Variants in PCDHGB1 observed in about 807,000 individuals in gnomAD.
PCDHGB1 encodes protocadherin gamma subfamily B, 1.
In PCDHGB1, 34 loss-of-function variants were observed where a neutral mutation model predicts 56.6. The ratio of observed to expected loss-of-function variants is 0.60; its 90% CI spans 0.46 to 0.80. The LOEUF (loss-of-function observed/expected upper bound fraction) is 0.80. Among genes scored for constraint, PCDHGB1 ranks in the 30% least tolerant of loss-of-function variants. The probability of loss-of-function intolerance (pLI) is 0.00; values close to 1 mark genes in which losing one functional copy is unlikely to be tolerated. For synonymous variants in PCDHGB1, 561 were observed against 505.9 expected, an observed-to-expected ratio of 1.11 and a Z score of -1.46; for missense variants, 1,278 against 1,204.6, an observed-to-expected ratio of 1.06 and a Z score of -0.90.
intron 1 of PCDHGB1, chr5:141,355,505 G>T: frequency 6.2e-7 from 1 of 1,614,044 alleles, no homozygotes; most frequent in Non-Finnish European, 8.5e-7. Flanking sequence ...TCTCCAAACT[G>T]TGTGACAAAC....
Position 141,456,898 on chromosome 5 carries a change from G to A in PCDHGB1, c.2410-37909G>A, listed in dbSNP as rs1046778634. 3.9e-5 allele frequency among the ~76,000 whole-genome samples: 6 copies of A among 152,284 alleles called. No individual in the cohort carries two copies. The South Asian group carries it at 6.2e-4, about 16-fold the overall frequency. On this transcript the variant is annotated intron_variant, in intron 1 of 3. Transcript: ENST00000523390. ...GAATCGCTTGAACCCGGGAGGCAGA[G>A]GTTGCAGTGAGCCGAGATCGCACCA...
chr5:141,412,215 C>T (rs1265657058), intron 1 of PCDHGB1: 1 of 152,240 alleles, frequency 6.6e-6, no homozygotes, highest in Non-Finnish European at 1.5e-5. Flanking sequence ...GACATAAACA[C>T]TTACTTGTTA....
chr5:141,440,373 G>A (rs866892003), intron 1 of PCDHGB1: 2 of 152,214 alleles, frequency 1.3e-5, no homozygotes, highest in Non-Finnish European at 2.9e-5. Context: ...GGCCGAGGCA[G>A]GAGAATCGCT....
At chr5:141,403,039 T>A (rs989723883) in intron 1 of PCDHGB1, 64 of 1,614,050 alleles carry the variant, frequency 4.0e-5, no homozygotes, top group Non-Finnish European at 5.4e-5. Context: ...CCAGGGCCAG[T>A]CAGATTCGCT....
intron 1 of PCDHGB1, chr5:141,370,655 C>A: frequency 6.2e-7 from 1 of 1,613,826 alleles, no homozygotes; most frequent in Non-Finnish European, 8.5e-7. Context: ...TACTTGTGAG[C>A]GACCGTATAG....
rs1421497518 is a variant in PCDHGB1 at position 141,431,979 on chromosome 5, A to G, written c.2410-62828A>G. ...GGAAATTACTATAGTTTAGTCACAGACATAGTCTTGGATAGGGAACAGGTT... is the reference window on the plus strand; with the variant it reads ...GGAAATTACTATAGTTTAGTCACAGGCATAGTCTTGGATAGGGAACAGGTT... On this transcript the variant is annotated intron_variant, in intron 1 of 3. Coordinates refer to ENST00000523390, the MANE Select transcript of PCDHGB1 (RefSeq NM_018922.3). This position sits in a 1 kb window ranked among gnomAD's most constrained non-coding sequence, Gnocchi z 4.8. 6.2e-7 allele frequency: 1 copy of G among 1,614,078 alleles called. No homozygotes were observed. The highest frequency in any genetic ancestry group is 1.3e-5 in the African/African-American group (1 of 74,932).
chr5:141,410,714 T>C (rs1561730445), intron 1 of PCDHGB1: 7 of 1,434,512 alleles, frequency 4.9e-6, no homozygotes, highest in Middle Eastern at 1.8e-4. Flanking sequence ...TAGAATCATA[T>C]GTTTAAAATC....
intron 1 of PCDHGB1, among the ~76,000 whole-genome samples, chr5:141,438,598 AT>A (rs1433028092): frequency 6.7e-5 from 2 of 29,776 alleles, no homozygotes; most frequent in Non-Finnish European, 1.4e-4. Context: ...ATACATATAT[AT>A]ATATATATAT....
intron 1 of PCDHGB1, chr5:141,409,447 AC>A (rs779658060): frequency 1.4e-4 from 222 of 1,613,890 alleles, no homozygotes; most frequent in Non-Finnish European, 1.8e-4. Context: ...GAGAGCAGAC[AC>A]CAGAATACAA....
At chr5:141,428,041 TG>T (rs1260865435) in intron 1 of PCDHGB1, 1 of 1,608,448 alleles carries the variant, frequency 6.2e-7, no homozygotes, top group African/African-American at 1.3e-5. Flanking sequence ...GGCTACCTGG[TG>T]ACCAAGGTGG....
chr5:141,450,207 A>AAGG (rs1164364390), intron 1 of PCDHGB1, among the ~76,000 whole-genome samples: 13 of 151,832 alleles, frequency 8.6e-5, no homozygotes, highest in Non-Finnish European at 1.8e-4. Flanking sequence ...TAGTAGAGAC[A>AAGG]AGGTTTCACT....
intron 1 of PCDHGB1, among the ~76,000 whole-genome samples, chr5:141,466,800 C>T (rs189985735): frequency 6.6e-6 from 1 of 152,240 alleles, no homozygotes; most frequent in East Asian, 1.9e-4. Context: ...AAACTAGATC[C>T]TATTCAGACA....
intron 1 of PCDHGB1, among the ~76,000 whole-genome samples, chr5:141,402,221 G>A (rs567791316): frequency 1.3e-5 from 2 of 151,942 alleles, no homozygotes; most frequent in Admixed American, 6.5e-5. Context: ...TAAAATAAAC[G>A]TTTTTCCAGG....
chr5:141,394,616 C>A, intron 1 of PCDHGB1: 1 of 1,613,490 alleles, frequency 6.2e-7, no homozygotes, highest in African/African-American at 1.3e-5. Flanking sequence ...CGGGCCAGAA[C>A]GCCTGGCTGT....
intron 1 of PCDHGB1, among the ~76,000 whole-genome samples, chr5:141,481,620 C>G (rs1449979532): frequency 6.6e-6 from 1 of 152,112 alleles, no homozygotes; most frequent in African/African-American, 2.4e-5. Context: ...GAGTTCAAGA[C>G]CGGCCTGGCC....
intron 1 of PCDHGB1, chr5:141,357,289 G>T: frequency 6.2e-7 from 1 of 1,613,960 alleles, no homozygotes; most frequent in Middle Eastern, 1.6e-4. Flanking sequence ...CGTGGTGGCA[G>T]TGGCCGCTGT....
At chr5:141,414,221 C>A in intron 1 of PCDHGB1, 1 of 1,613,126 alleles carries the variant, frequency 6.2e-7, no homozygotes, top group Non-Finnish European at 8.5e-7. Flanking sequence ...GACAACAGTC[C>A]AGAGCTGACC....
chr5:141,354,311 A>G (rs10214288), intron 1 of PCDHGB1, among the ~76,000 whole-genome samples: 21,563 of 152,160 alleles, frequency 0.14, 2,133 homozygotes, highest in African/African-American at 0.29. Context: ...TTTCATAAAA[A>G]TTACTACTCT....
At chr5:141,466,689 A>G (rs2099127361) in intron 1 of PCDHGB1, among the ~76,000 whole-genome samples, 1 of 152,220 alleles carries the variant, frequency 6.6e-6, no homozygotes, top group Admixed American at 6.5e-5. Context: ...CTCAAGCTTC[A>G]TCATAAATTT....
Sources: gnomAD v4.1 joint callset for allele counts (sites outside exome capture counted in the v4.1 genomes callset) on GRCh38, gnomAD v4.1.1 for gene constraint, Gnocchi (gnomAD v3.1) non-coding constraint, MANE v1.5 for transcripts, NCBI Gene and HGNC (gene_info 2026-07-23, HGNC 2026-07-21) for gene names.